Variants in CCDC60 observed in about 807,000 individuals in gnomAD.
The protein encoded by CCDC60 is coiled-coil domain containing 60, also known as coiled-coil domain-containing protein 60.
In CCDC60, 54 loss-of-function variants were observed where a neutral mutation model predicts 63.5. The ratio of observed to expected loss-of-function variants is 0.85; its 90% CI spans 0.68 to 1.07. CCDC60 has a LOEUF of 1.07. CCDC60 is among the 50% of genes least tolerant of loss of function. The pLI, the probability that CCDC60 is intolerant of heterozygous loss-of-function variation, is 0.00. For missense variants in CCDC60, 651 were observed against 684.3 expected (o/e 0.95, Z 0.54); for synonymous variants, 206 against 238.8 (o/e 0.86, Z 1.27).
intron 1 of CCDC60, among the ~76,000 whole-genome samples, chr12:119,343,131 A>G (rs889432201): frequency 1.3e-5 from 2 of 152,204 alleles, no homozygotes; most frequent in African/African-American, 2.4e-5. Flanking sequence ...CATAATCATC[A>G]TAATGGGATA....
intron 1 of CCDC60, among the ~76,000 whole-genome samples, chr12:119,391,273 G>T (rs1292657982): frequency 6.6e-6 from 1 of 152,192 alleles, no homozygotes; most frequent in African/African-American, 2.4e-5. Flanking sequence ...GTGTATGTGT[G>T]TGTGTGTCTT....
At position 119,362,438 on chromosome 12, in the gene CCDC60, C is replaced by G. The variant is rs531506217; in HGVS notation, c.90+27172C>G. On this transcript the variant is annotated intron_variant, in intron 1 of 13. Coordinates refer to ENST00000327554, the MANE Select transcript of CCDC60 (RefSeq NM_178499.5). ...AATAAATAAATAAATACTACACCCA[C>G]CACAGATGTAACCAGTATTCTAACT... 5.3e-5 allele frequency among the ~76,000 whole-genome samples: 8 copies of G among 152,264 alleles called. No homozygotes were observed. In the East Asian group the frequency reaches 1.5e-3, roughly 29 times the overall value.
At chr12:119,424,167 A>G (rs962343227) in intron 1 of CCDC60, among the ~76,000 whole-genome samples, 1 of 152,212 alleles carries the variant, frequency 6.6e-6, no homozygotes, top group Admixed American at 6.5e-5. Flanking sequence ...ATATGTCAAT[A>G]TTTTAAAACC....
chr12:119,354,096 T>C (rs1955692143), intron 1 of CCDC60, among the ~76,000 whole-genome samples: 1 of 151,696 alleles, frequency 6.6e-6, no homozygotes, highest in Non-Finnish European at 1.5e-5. Flanking sequence ...TCCTACCTCT[T>C]TCCTTTCTTC....
At chr12:119,419,313 C>G (rs754884069) in intron 1 of CCDC60, among the ~76,000 whole-genome samples, 9 of 152,152 alleles carry the variant, frequency 5.9e-5, no homozygotes, top group African/African-American at 1.9e-4. Context: ...TGTAAAATGA[C>G]CTTCACTTTT....
chr12:119,408,605 C>T (rs557175877), intron 1 of CCDC60, among the ~76,000 whole-genome samples: 2 of 152,246 alleles, frequency 1.3e-5, no homozygotes, highest in South Asian at 2.1e-4. Context: ...GGGTGGATCA[C>T]GAGGTCAGGA....
intron 5 of CCDC60, among the ~76,000 whole-genome samples, chr12:119,498,296 T>C (rs1472416889): frequency 6.6e-6 from 1 of 152,146 alleles, no homozygotes; most frequent in Non-Finnish European, 1.5e-5. Context: ...ACCCCTGTCA[T>C]TGTCTCCCTA....
chr12:119,443,205 T>G (rs1329874052), intron 2 of CCDC60, among the ~76,000 whole-genome samples: 1 of 152,238 alleles, frequency 6.6e-6, no homozygotes, highest in Non-Finnish European at 1.5e-5. Flanking sequence ...ATGATTGTTC[T>G]GATGGCTTTT....
At chr12:119,493,445 T>A (rs1951639651) in intron 5 of CCDC60, among the ~76,000 whole-genome samples, 1 of 152,102 alleles carries the variant, frequency 6.6e-6, no homozygotes, top group African/African-American at 2.4e-5. Context: ...ATCTCATATT[T>A]GGATGGATTG....
intron 2 of CCDC60, among the ~76,000 whole-genome samples, chr12:119,461,948 T>C (rs1209047458): frequency 6.6e-6 from 1 of 152,212 alleles, no homozygotes; most frequent in African/African-American, 2.4e-5. Flanking sequence ...CCCAAGCTCG[T>C]TGAATGAACA....
chr12:119,360,186 C>T (rs530340317), intron 1 of CCDC60, among the ~76,000 whole-genome samples: 4 of 147,962 alleles, frequency 2.7e-5, no homozygotes, highest in Admixed American at 6.6e-5. Context: ...ACCTCCCTCC[C>T]GGACAGGGCG....
At chr12:119,409,925 C>T (rs1409642136) in intron 1 of CCDC60, among the ~76,000 whole-genome samples, 1 of 151,922 alleles carries the variant, frequency 6.6e-6, no homozygotes, top group Non-Finnish European at 1.5e-5. Context: ...ACACTCCTTA[C>T]CTTAACTTCC....
chr12:119,429,981 A>G (rs1488492902), intron 2 of CCDC60, among the ~76,000 whole-genome samples: 1 of 152,220 alleles, frequency 6.6e-6, no homozygotes, highest in Non-Finnish European at 1.5e-5. Flanking sequence ...TGTAATCAGT[A>G]TTAAAAATGT....
chr12:119,428,748 C>T lies in CCDC60; in HGVS notation c.156C>T (p.Asp52=), dbSNP rs2136232983. ...MDKEIINLKK[D]LIRSRFLIQS... ...AGGAAATAATAAACCTCAAAAAGGA[C>T]CTTATACGAAGCCGGTGAGTGAGCC... Residue 52 remains aspartate (D), a synonymous_variant, in exon 2 of 14, where the codon GAC becomes GAT. Transcript: ENST00000327554. 3 of 1,599,928 alleles carry T rather than the reference C, an allele frequency of 1.9e-6. No homozygotes were observed. Among genetic ancestry groups the T allele is most frequent in the Non-Finnish European group, 2.6e-6 (3 of 1,170,908 alleles).
At chr12:119,339,008 T>G (rs1955504255) in intron 1 of CCDC60, among the ~76,000 whole-genome samples, 1 of 151,958 alleles carries the variant, frequency 6.6e-6, no homozygotes, top group Non-Finnish European at 1.5e-5. Context: ...TTTGTTTTTG[T>G]TTTTTTTAAC....
chr12:119,426,687 T>C (rs1333278486), intron 1 of CCDC60, among the ~76,000 whole-genome samples: 3 of 152,192 alleles, frequency 2.0e-5, no homozygotes, highest in Admixed American at 2.0e-4. Context: ...AAGTAATAGC[T>C]GCAGTTACAA....
intron 2 of CCDC60, among the ~76,000 whole-genome samples, chr12:119,435,525 C>T (rs118122650): frequency 0.032 from 4,900 of 152,276 alleles, 111 homozygotes; most frequent in Middle Eastern, 0.048. Flanking sequence ...AAGAATTAAC[C>T]TGTCTTGCAA....
At chr12:119,428,077 A>G (rs1956931348) in intron 1 of CCDC60, among the ~76,000 whole-genome samples, 1 of 152,324 alleles carries the variant, frequency 6.6e-6, no homozygotes, top group East Asian at 1.9e-4. Context: ...TCCCCTAGGT[A>G]TAGACAAGGC....
chr12:119,429,239 T>A (rs1165022241), intron 2 of CCDC60, among the ~76,000 whole-genome samples: 4 of 152,140 alleles, frequency 2.6e-5, no homozygotes, highest in Non-Finnish European at 5.9e-5. Flanking sequence ...ATAAAGCAGA[T>A]AAAGTGTCCC....
Sources: gnomAD v4.1 joint callset for allele counts (sites outside exome capture counted in the v4.1 genomes callset) on GRCh38, gnomAD v4.1.1 for gene constraint, MANE v1.5 for transcripts, NCBI Gene and HGNC (gene_info 2026-07-23, HGNC 2026-07-21) for gene names.